ROBO1: variants seen among roughly 807,000 people sequenced by gnomAD.
ROBO1 encodes roundabout guidance receptor 1, also known as roundabout homolog 1.
Under a neutral mutation model 195.9 loss-of-function variants are expected in ROBO1, and 149 were observed. The observed-to-expected ratio is 0.76, with a 90% confidence interval of 0.67 to 0.87. The LOEUF is 0.87. ROBO1 is among the 40% of genes least tolerant of loss of function. The probability of loss-of-function intolerance (pLI) is 0.00; values close to 1 mark genes in which losing one functional copy is unlikely to be tolerated. For synonymous variants in ROBO1, 816 were observed against 733.2 expected, an observed-to-expected ratio of 1.11 and a Z score of -1.82; for missense variants, 1,933 against 2,068.3, an observed-to-expected ratio of 0.93 and a Z score of 1.27.
At chr3:78,779,696 G>A (rs1226090040) in intron 4 of ROBO1, among the ~76,000 whole-genome samples, 1 of 152,042 alleles carries the variant, frequency 6.6e-6, no homozygotes, top group East Asian at 1.9e-4. Context: ...GAAGACTGTG[G>A]CGATTCCTCA....
At chr3:79,286,691 C>T (rs1052696608) in intron 2 of ROBO1, among the ~76,000 whole-genome samples, 8 of 152,066 alleles carry the variant, frequency 5.3e-5, no homozygotes, top group Admixed American at 2.0e-4. Context: ...CATTTCCTAA[C>T]GCCTGCCCAA....
chr3:79,400,824 G>A lies in ROBO1; in HGVS notation c.88+189000C>T, dbSNP rs574433265. On this transcript the variant is annotated intron_variant, in intron 2 of 30. Coordinates refer to ENST00000464233, the MANE Select transcript of ROBO1 (RefSeq NM_002941.4). Reference sequence around the variant, plus strand: ...TAAATGGATGGGTTTTATTAAATACGTCAATAATTTAGTAAAAACAATTCT... The same window carrying A: ...TAAATGGATGGGTTTTATTAAATACATCAATAATTTAGTAAAAACAATTCT... 1.1e-4 allele frequency among the ~76,000 whole-genome samples: 16 copies of A among 151,856 alleles called. No individual in the cohort carries two copies. The South Asian group carries it at 1.5e-3, about 14-fold the overall frequency.
chr3:79,764,570 A>C (rs1312223703), intron 1 of ROBO1, among the ~76,000 whole-genome samples: 2 of 152,210 alleles, frequency 1.3e-5, no homozygotes, highest in East Asian at 3.8e-4. Flanking sequence ...TTTTCATTTA[A>C]AATTCACATC....
In ROBO1 at chr3:79,029,918, CG is replaced by C. The variant is rs375830938; in HGVS notation, c.173-90992del. On this transcript the variant is annotated intron_variant, in intron 3 of 30. Transcript: ENST00000464233. ...CTGTCTCTTCTGTACATCTTGTAAA[CG>C]CAACAGTGGAAGTAATGACTTGCTT... is the stretch of plus-strand genomic sequence containing the variant. Among the ~76,000 whole-genome samples the C allele has an allele frequency of 2.2e-3, 342 of 152,278 alleles. 1 individual carries two copies. The highest frequency in any genetic ancestry group is 7.9e-3 in the African/African-American group (327 of 41,552).
chr3:79,298,539 T>C (rs888610859), intron 2 of ROBO1, among the ~76,000 whole-genome samples: 1 of 152,130 alleles, frequency 6.6e-6, no homozygotes, highest in Non-Finnish European at 1.5e-5. Context: ...AATGAAATAT[T>C]ACTTTAACAT....
chr3:79,309,714 T>G (rs2109089237), intron 2 of ROBO1, among the ~76,000 whole-genome samples: 1 of 152,258 alleles, frequency 6.6e-6, no homozygotes, highest in African/African-American at 2.4e-5. Context: ...AATTTAAAAA[T>G]GTATGAGGTT....
chr3:79,592,912 AC>A (rs1169242941), intron 1 of ROBO1, among the ~76,000 whole-genome samples: 1 of 151,790 alleles, frequency 6.6e-6, no homozygotes, highest in Non-Finnish European at 1.5e-5. Context: ...CCCCTTCCGA[AC>A]CCCTAGAAAC....
At chr3:79,364,091 C>T (rs2035871247) in intron 2 of ROBO1, among the ~76,000 whole-genome samples, 1 of 151,980 alleles carries the variant, frequency 6.6e-6, no homozygotes, top group Non-Finnish European at 1.5e-5. Flanking sequence ...GTAGTCCCAG[C>T]TGCTCAGGAG....
At chr3:79,675,373 A>C (rs1323108210) in intron 1 of ROBO1, among the ~76,000 whole-genome samples, 1 of 152,004 alleles carries the variant, frequency 6.6e-6, no homozygotes, top group Non-Finnish European at 1.5e-5. Flanking sequence ...AGTCTAATGG[A>C]GGAGGGAGCT....
intron 2 of ROBO1, among the ~76,000 whole-genome samples, chr3:79,500,473 CAT>C (rs1473718889): frequency 6.6e-6 from 1 of 152,164 alleles, no homozygotes; most frequent in Admixed American, 6.5e-5. Context: ...TGCTGAGCTC[CAT>C]TGTTGTTGAT....
At chr3:78,928,392 C>T (rs1485358562) in intron 4 of ROBO1, among the ~76,000 whole-genome samples, 2 of 151,980 alleles carry the variant, frequency 1.3e-5, no homozygotes, top group Non-Finnish European at 2.9e-5. Flanking sequence ...CCAGAAAGAA[C>T]TCATTTAATG....
At chr3:79,070,611 G>A (rs1049972528) in intron 3 of ROBO1, among the ~76,000 whole-genome samples, 9 of 151,726 alleles carry the variant, frequency 5.9e-5, no homozygotes, top group Admixed American at 1.3e-4. Flanking sequence ...TCTCTTTTTT[G>A]TGGGAAGTAA....
At chr3:79,047,851 G>T (rs745624826) in intron 3 of ROBO1, among the ~76,000 whole-genome samples, 5 of 152,036 alleles carry the variant, frequency 3.3e-5, no homozygotes, top group Non-Finnish European at 7.4e-5. Context: ...AACAGAGGCA[G>T]GGTAACCATG....
chr3:79,321,360 T>G (rs1262182498), intron 2 of ROBO1, among the ~76,000 whole-genome samples: 1 of 152,202 alleles, frequency 6.6e-6, no homozygotes, highest in Non-Finnish European at 1.5e-5. Flanking sequence ...ATTGGACACT[T>G]TGTAGCAGGC....
chr3:79,755,528 T>G (rs1704340384), intron 1 of ROBO1, among the ~76,000 whole-genome samples: 1 of 152,188 alleles, frequency 6.6e-6, no homozygotes, highest in South Asian at 2.1e-4. Flanking sequence ...GGGTTTTAAG[T>G]ACCCTCGAGC....
At chr3:79,724,482 G>A (rs1702831654) in intron 1 of ROBO1, among the ~76,000 whole-genome samples, 1 of 152,136 alleles carries the variant, frequency 6.6e-6, no homozygotes, top group South Asian at 2.1e-4. Flanking sequence ...CCATGCCGAG[G>A]TTACGAAACA....
intron 3 of ROBO1, among the ~76,000 whole-genome samples, chr3:79,060,178 A>C (rs897546970): frequency 2.0e-5 from 3 of 151,916 alleles, no homozygotes; most frequent in Non-Finnish European, 2.9e-5. Flanking sequence ...CAGCCTGGTG[A>C]AATTTTAGTC....
At chr3:78,857,066 A>G (rs2034488842) in intron 4 of ROBO1, among the ~76,000 whole-genome samples, 1 of 152,162 alleles carries the variant, frequency 6.6e-6, no homozygotes, top group African/African-American at 2.4e-5. Context: ...CTCATTCAAA[A>G]ATCAACAATT....
At chr3:79,648,248 A>G (rs370150002) in intron 1 of ROBO1, among the ~76,000 whole-genome samples, 1 of 152,184 alleles carries the variant, frequency 6.6e-6, no homozygotes, top group South Asian at 2.1e-4. Context: ...TGTAGCCATA[A>G]TCTGCCATTA....
Sources: gnomAD v4.1 joint callset for allele counts (sites outside exome capture counted in the v4.1 genomes callset) on GRCh38, gnomAD v4.1.1 for gene constraint, MANE v1.5 for transcripts, NCBI Gene and HGNC (gene_info 2026-07-23, HGNC 2026-07-21) for gene names.